CACNA2D3: variants seen among roughly 807,000 people sequenced by gnomAD.
CACNA2D3 encodes the protein calcium voltage-gated channel auxiliary subunit alpha2delta 3, also known as voltage-dependent calcium channel subunit alpha-2/delta-3.
A neutral mutation model predicts 160.6 loss-of-function variants in CACNA2D3; 60 were observed. The ratio of observed to expected loss-of-function variants is 0.37; its 90% CI spans 0.30 to 0.46. The LOEUF is 0.46. Ranked by LOEUF, CACNA2D3 falls within the 20% of genes least tolerant of loss-of-function variation. CACNA2D3 has a pLI of 1.00. For synonymous variants in CACNA2D3, 558 were observed against 492.9 expected, an observed-to-expected ratio of 1.13 and a Z score of -1.75; for missense variants, 1,205 against 1,365.0, an observed-to-expected ratio of 0.88 and a Z score of 1.85.
At chr3:54,335,987 A>G (rs1704367571) in intron 3 of CACNA2D3, among the ~76,000 whole-genome samples, 1 of 135,918 alleles carries the variant, frequency 7.4e-6, no homozygotes. Flanking sequence ...GCCTGGCGAC[A>G]GAGGAAGACT....
At chr3:54,698,054 T>G (rs1249583487) in intron 11 of CACNA2D3, among the ~76,000 whole-genome samples, 1 of 152,238 alleles carries the variant, frequency 6.6e-6, no homozygotes, top group African/African-American at 2.4e-5. Context: ...TTTGCTGCTC[T>G]CTCTCCTTAC....
chr3:54,274,294 A>G (rs534620264), intron 2 of CACNA2D3, among the ~76,000 whole-genome samples: 95 of 152,190 alleles, frequency 6.2e-4, no homozygotes, highest in African/African-American at 2.2e-3. Context: ...GGCTGTAATC[A>G]TTCTGATTCA....
chr3:54,496,590 G>T (rs1701206930), intron 4 of CACNA2D3, among the ~76,000 whole-genome samples: 1 of 152,076 alleles, frequency 6.6e-6, no homozygotes, highest in African/African-American at 2.4e-5. Flanking sequence ...CCTGAACCGT[G>T]GCTTTCATTT....
At chr3:54,383,364 C>G (rs1699136165) in intron 3 of CACNA2D3, among the ~76,000 whole-genome samples, 3 of 152,140 alleles carry the variant, frequency 2.0e-5, no homozygotes, top group Admixed American at 6.5e-5. Context: ...GGCCTGTCTC[C>G]TATTGGCATC....
intron 13 of CACNA2D3, among the ~76,000 whole-genome samples, chr3:54,810,421 A>G (rs1703274415): frequency 6.6e-6 from 1 of 152,144 alleles, no homozygotes. Flanking sequence ...CATTTAACAG[A>G]ACTTTCTTTG....
intron 35 of CACNA2D3, among the ~76,000 whole-genome samples, chr3:55,042,113 T>A (rs1203486706): frequency 6.6e-6 from 1 of 152,148 alleles, no homozygotes; most frequent in Non-Finnish European, 1.5e-5. Flanking sequence ...TTTAAAAGAA[T>A]GTATATTTGG....
At chr3:54,821,766 T>G (rs1293379157) in intron 14 of CACNA2D3, among the ~76,000 whole-genome samples, 2 of 151,066 alleles carry the variant, frequency 1.3e-5, no homozygotes, top group South Asian at 2.1e-4. Flanking sequence ...ATTCCTTAGG[T>G]ACAAATTTGT....
intron 11 of CACNA2D3, among the ~76,000 whole-genome samples, chr3:54,673,648 T>G (rs1700195032): frequency 6.6e-6 from 1 of 152,196 alleles, no homozygotes; most frequent in Non-Finnish European, 1.5e-5. Context: ...ATGACAATCT[T>G]TTGTTCTTTG....
chr3:54,376,606 T>G (rs1473346), intron 3 of CACNA2D3, among the ~76,000 whole-genome samples: 34,714 of 152,118 alleles, frequency 0.23, 4,089 homozygotes, highest in Admixed American at 0.3. Flanking sequence ...ATCTAGTTAT[T>G]TGCCTCTTCT....
At chr3:54,279,881 T>C (rs1329851916) in intron 2 of CACNA2D3, among the ~76,000 whole-genome samples, 1 of 152,148 alleles carries the variant, frequency 6.6e-6, no homozygotes. Flanking sequence ...TTGTTGGTTT[T>C]GGTCTAGCCT....
chr3:54,290,870 G>A (rs567820230), intron 2 of CACNA2D3, among the ~76,000 whole-genome samples: 32 of 151,788 alleles, frequency 2.1e-4, no homozygotes, highest in African/African-American at 7.5e-4. Context: ...GAGAACACAC[G>A]GACACAGGAA....
intron 17 of CACNA2D3, among the ~76,000 whole-genome samples, chr3:54,848,854 G>A: frequency 6.6e-6 from 1 of 152,196 alleles, no homozygotes; most frequent in East Asian, 1.9e-4. Flanking sequence ...ATCGTAGCTT[G>A]TTGTCACAGT....
At chr3:54,142,042 G>C (rs564509246) in intron 2 of CACNA2D3, among the ~76,000 whole-genome samples, 5 of 152,330 alleles carry the variant, frequency 3.3e-5, no homozygotes, top group African/African-American at 1.2e-4. Flanking sequence ...ATGACCTGAA[G>C]ACCTGCTCTG....
At chr3:54,897,057 G>A in intron 26 of CACNA2D3, 187 bp downstream of exon 26, 1 of 572,712 alleles carries the variant, frequency 1.7e-6, no homozygotes, top group East Asian at 2.9e-5. Flanking sequence ...TCAAAGAAAA[G>A]GAAGGTTTTT....
At chr3:54,556,806 G>T (rs527835263) in intron 5 of CACNA2D3, among the ~76,000 whole-genome samples, 39 of 152,108 alleles carry the variant, frequency 2.6e-4, no homozygotes, top group Non-Finnish European at 5.3e-4. Flanking sequence ...ACCATGGAGG[G>T]AACATGAGGC....
chr3:54,735,290 A>T (rs1412574972), intron 11 of CACNA2D3, among the ~76,000 whole-genome samples: 1 of 152,192 alleles, frequency 6.6e-6, no homozygotes, highest in Non-Finnish European at 1.5e-5. Flanking sequence ...TTCAGAAGCC[A>T]TGACCTCTGG....
At chr3:54,758,464 T>C (rs1379905109) in intron 12 of CACNA2D3, among the ~76,000 whole-genome samples, 1 of 152,160 alleles carries the variant, frequency 6.6e-6, no homozygotes, top group Non-Finnish European at 1.5e-5. Flanking sequence ...TATGGGTTCT[T>C]CTGCTCTCAG....
At chr3:54,239,677 C>A (rs1701941920) in intron 2 of CACNA2D3, among the ~76,000 whole-genome samples, 1 of 152,162 alleles carries the variant, frequency 6.6e-6, no homozygotes, top group Non-Finnish European at 1.5e-5. Context: ...AAAAAGCAGA[C>A]AATCTGAGTT....
Position 54,626,699 on chromosome 3 carries a change from A to G in CACNA2D3, c.964-1088A>G, listed in dbSNP as rs544001071. On this transcript the variant is annotated intron_variant, in intron 9 of 37. Transcript: ENST00000474759. ...TGGTTCCAGTCAAAAAAAAAAAAAA[A>G]AAAAAAAAAAGAAAGAAAAAGAAAG... 8.0e-3 allele frequency: 5,921 copies of G among 738,354 alleles called. 83 individuals carry two copies. The highest frequency in any genetic ancestry group is 0.011 in the Non-Finnish European group (4,777 of 442,178). 45.7% of individuals were successfully genotyped at this position (738,354 alleles called of 1,614,324 possible). A position where few individuals can be genotyped will look rare whatever the true frequency, so the allele number is the denominator to read the frequency against.
Sources: allele counts gnomAD v4.1 joint callset (sites outside exome capture counted in the v4.1 genomes callset), GRCh38; gene constraint gnomAD v4.1.1; transcripts MANE v1.5; gene names NCBI Gene and HGNC (gene_info 2026-07-23, HGNC 2026-07-21).